FNDC3B: variants seen among roughly 807,000 people sequenced by gnomAD.
The protein encoded by FNDC3B is fibronectin type III domain containing 3B, also known as fibronectin type III domain-containing protein 3B.
Under a neutral mutation model 151.5 loss-of-function variants are expected in FNDC3B, and 12 were observed. That is an observed-to-expected ratio of 0.08 (90% confidence interval 0.05 to 0.13). The LOEUF is 0.13. Among genes scored for constraint, FNDC3B ranks in the 10% least tolerant of loss-of-function variants. The probability of loss-of-function intolerance (pLI) is 1.00; values close to 1 mark genes in which losing one functional copy is unlikely to be tolerated. For missense variants in FNDC3B, 1,214 were observed against 1,505.3 expected (o/e 0.81, Z 3.20); for synonymous variants, 528 against 549.0 (o/e 0.96, Z 0.54).
chr3:172,280,406 GCTT>G (rs1408162737), intron 6 of FNDC3B, among the ~76,000 whole-genome samples: 1 of 151,862 alleles, frequency 6.6e-6, no homozygotes. Context: ...TTGGCTTTAG[GCTT>G]CTTATCTCCA....
chr3:172,089,917 A>G (rs1718725372), intron 1 of FNDC3B, among the ~76,000 whole-genome samples: 1 of 152,214 alleles, frequency 6.6e-6, no homozygotes, highest in African/African-American at 2.4e-5. Context: ...AACGTTAATG[A>G]CAAATATGAT....
intron 3 of FNDC3B, among the ~76,000 whole-genome samples, chr3:172,180,233 C>T (rs986119114): frequency 1.3e-5 from 2 of 152,172 alleles, no homozygotes; most frequent in African/African-American, 2.4e-5. Flanking sequence ...CAGATGTGGA[C>T]TGTGGATCTC....
intron 6 of FNDC3B, among the ~76,000 whole-genome samples, chr3:172,259,922 A>G (rs755554833): frequency 2.0e-5 from 3 of 152,238 alleles, no homozygotes; most frequent in African/African-American, 4.8e-5. Context: ...GCATATAAAG[A>G]CAAAAAGCAT....
chr3:172,078,240 A>G (rs1718116080), intron 1 of FNDC3B, among the ~76,000 whole-genome samples: 1 of 152,210 alleles, frequency 6.6e-6, no homozygotes, highest in African/African-American at 2.4e-5. Flanking sequence ...TTGGCCTCCC[A>G]AATTGCTGGG....
At chr3:172,313,983 C>CT (rs1413304191) in intron 11 of FNDC3B, among the ~76,000 whole-genome samples, 1 of 152,168 alleles carries the variant, frequency 6.6e-6, no homozygotes, top group Non-Finnish European at 1.5e-5. Flanking sequence ...CTATACAGGC[C>CT]TTAGCTTCAA....
intron 7 of FNDC3B, among the ~76,000 whole-genome samples, chr3:172,293,325 G>A (rs890308348): frequency 1.3e-5 from 2 of 152,188 alleles, no homozygotes; most frequent in Non-Finnish European, 2.9e-5. Flanking sequence ...GGTGCAGATG[G>A]GTTGGAGGGG....
intron 1 of FNDC3B, among the ~76,000 whole-genome samples, chr3:172,085,003 T>G (rs9857953): frequency 0.64 from 97,567 of 152,000 alleles, 31,471 homozygotes; most frequent in East Asian, 0.78. Flanking sequence ...CATAGTGGGT[T>G]CTCCAGCTCC....
At chr3:172,389,557 A>C (rs1445743022) in intron 25 of FNDC3B, among the ~76,000 whole-genome samples, 1 of 152,216 alleles carries the variant, frequency 6.6e-6, no homozygotes, top group Non-Finnish European at 1.5e-5. Flanking sequence ...GAAAATGATT[A>C]AAACATATTA....
intron 3 of FNDC3B, among the ~76,000 whole-genome samples, chr3:172,176,987 A>G (rs1723628679): frequency 6.6e-6 from 1 of 152,094 alleles, no homozygotes; most frequent in Admixed American, 6.5e-5. Context: ...GGGGCTTCTG[A>G]CTCAATTGCC....
intron 6 of FNDC3B, among the ~76,000 whole-genome samples, chr3:172,283,508 T>G (rs1729847382): frequency 1.3e-5 from 2 of 152,330 alleles, no homozygotes; most frequent in South Asian, 4.1e-4. Context: ...AAACTTTTAT[T>G]ACTCCAAGGA....
intron 15 of FNDC3B, 102 bp downstream of exon 15, chr3:172,335,184 A>G: frequency 7.9e-7 from 1 of 1,269,396 alleles, no homozygotes; most frequent in Non-Finnish European, 1.1e-6. Flanking sequence ...AAAATTGTGG[A>G]TGGTATTTGC....
intron 8 of FNDC3B, among the ~76,000 whole-genome samples, chr3:172,295,745 A>G (rs1017304617): frequency 6.6e-6 from 1 of 152,198 alleles, no homozygotes; most frequent in Non-Finnish European, 1.5e-5. Context: ...ACTTGGTTAT[A>G]TTTGCTGTCA....
intron 4 of FNDC3B, among the ~76,000 whole-genome samples, chr3:172,233,051 C>G (rs911929492): frequency 6.6e-6 from 1 of 152,132 alleles, no homozygotes; most frequent in African/African-American, 2.4e-5. Context: ...GGCCATGGCT[C>G]TCTGTTTTTT....
intron 6 of FNDC3B, among the ~76,000 whole-genome samples, chr3:172,269,394 G>A (rs1729076991): frequency 6.6e-6 from 1 of 151,980 alleles, no homozygotes; most frequent in Non-Finnish European, 1.5e-5. Flanking sequence ...GAATAGCTGG[G>A]ACCACAGGCA....
intron 3 of FNDC3B, among the ~76,000 whole-genome samples, chr3:172,197,265 C>G (rs1724886096): frequency 6.6e-6 from 1 of 152,120 alleles, no homozygotes; most frequent in Admixed American, 6.5e-5. Flanking sequence ...AGAATTGTTA[C>G]AAATACGGTG....
intron 3 of FNDC3B, among the ~76,000 whole-genome samples, chr3:172,179,568 C>A (rs1160064337): frequency 1.3e-5 from 2 of 151,190 alleles, no homozygotes; most frequent in African/African-American, 4.9e-5. Flanking sequence ...TCCCCCACCA[C>A]CTCCGACCTC....
intron 1 of FNDC3B, among the ~76,000 whole-genome samples, chr3:172,046,376 G>A (rs529805122): frequency 9.9e-5 from 15 of 152,086 alleles, no homozygotes; most frequent in African/African-American, 3.6e-4. Flanking sequence ...TGCTGCTGGA[G>A]TGCAGTGGCT....
At chr3:172,244,357 G>C (rs558557007) in intron 4 of FNDC3B, among the ~76,000 whole-genome samples, 3 of 152,044 alleles carry the variant, frequency 2.0e-5, no homozygotes, top group African/African-American at 7.2e-5. Context: ...GTCTAAATTC[G>C]ACTACAGTAA....
Position 172,371,024 on chromosome 3 carries a change from A to G in FNDC3B, c.3009-7246A>G, listed in dbSNP as rs73167291. Among the ~76,000 whole-genome samples, 1,036 of 152,232 alleles carry G rather than the reference A, an allele frequency of 6.8e-3. 1 individual carries two copies. Among genetic ancestry groups the G allele is most frequent in the Non-Finnish European group, 9.5e-3 (647 of 68,026 alleles). On this transcript the variant is annotated intron_variant, in intron 23 of 25. Coordinates refer to ENST00000415807, the MANE Select transcript of FNDC3B (RefSeq NM_022763.4). ...GTTGTTCACTGTATGGATTTGGACA[A>G]ATGTATGATGACGTGTTTCCACCAT...
Sources: gnomAD v4.1 joint callset for allele counts (sites outside exome capture counted in the v4.1 genomes callset) on GRCh38, gnomAD v4.1.1 for gene constraint, MANE v1.5 for transcripts, NCBI Gene and HGNC (gene_info 2026-07-23, HGNC 2026-07-21) for gene names.